The following SNRPG variants were observed in gnomAD, a reference collection of about 807,000 sequenced individuals.
SNRPG encodes the protein small nuclear ribonucleoprotein polypeptide G, also known as small nuclear ribonucleoprotein G.
In SNRPG, 3 loss-of-function variants were observed where a neutral mutation model predicts 13.9. The ratio of observed to expected loss-of-function variants is 0.22; its 90% confidence interval spans 0.10 to 0.56. SNRPG has a LOEUF of 0.56. Ranked by LOEUF, SNRPG falls within the 20% of genes least tolerant of loss-of-function variation. The probability of loss-of-function intolerance (pLI) is 0.93; values close to 1 mark genes in which losing one functional copy is unlikely to be tolerated. For missense variants in SNRPG, 34 were observed against 96.1 expected (o/e 0.35, Z 2.70); for synonymous variants, 29 against 29.3 (o/e 0.99, Z 0.03).
chr2:70,288,252 T>A, intron 2 of SNRPG, 60 bp from the exon 3 acceptor site: 1 of 1,454,822 alleles, frequency 6.9e-7, no homozygotes, highest in Non-Finnish European at 9.6e-7. Flanking sequence ...AAGCATTCAC[T>A]AAAAATCAGG....
At chr2:70,285,449 G>A (rs1486650740) in intron 3 of SNRPG, among the ~76,000 whole-genome samples, 1 of 152,132 alleles carries the variant, frequency 6.6e-6, no homozygotes, top group East Asian at 1.9e-4. Context: ...GTGTGCGCCT[G>A]TAGTCCCAGC....
At chr2:70,293,169 A>C in intron 1 of SNRPG, 1 of 702,454 alleles carries the variant, frequency 1.4e-6, no homozygotes, top group Non-Finnish European at 2.6e-6. Flanking sequence ...ATTTGCTAAG[A>C]CTAAAGTGGC....
intron 2 of SNRPG, among the ~76,000 whole-genome samples, chr2:70,288,440 A>C (rs1025806027): frequency 6.6e-6 from 1 of 152,184 alleles, no homozygotes; most frequent in African/African-American, 2.4e-5. Flanking sequence ...TAAAATTTTT[A>C]TAAAGATGGG....
At chr2:70,292,867 T>C (rs1697136115) in intron 1 of SNRPG, 3 of 441,728 alleles carry the variant, frequency 6.8e-6, no homozygotes, top group African/African-American at 5.9e-5. Flanking sequence ...CATAACCTGT[T>C]AAGTCCACTC....
Position 70,293,286 on chromosome 2 carries a change from G to A in SNRPG, c.32+332C>T, listed in dbSNP as rs568846651. 41 of 688,928 alleles carry A rather than the reference G, an allele frequency of 6.0e-5. No homozygotes were observed. In the African/African-American group the frequency reaches 6.9e-4, roughly 12 times the overall value. 42.7% of individuals were successfully genotyped at this position (688,928 alleles called of 1,614,324 possible). On this transcript the variant is annotated intron_variant, in intron 1 of 3. Transcript: ENST00000272348. ...CCCTCTAGCCGTCTATCTAGAACAT[G>A]ATACTATTCGAGATGTTCAACAAAA...
At chr2:70,289,908 T>C (rs770594270) in intron 1 of SNRPG, among the ~76,000 whole-genome samples, 19 of 152,100 alleles carry the variant, frequency 1.2e-4, no homozygotes, top group Non-Finnish European at 2.2e-4. Flanking sequence ...ATGAAACATA[T>C]TTAGACTATA....
chr2:70,283,109 A>C (rs1363949029), intron 3 of SNRPG, among the ~76,000 whole-genome samples: 40 of 147,456 alleles, frequency 2.7e-4, no homozygotes, highest in East Asian at 5.8e-4. Flanking sequence ...AAAAAAAAAA[A>C]AAAAAAAAAA....
chr2:70,292,147 C>T (rs971870463), intron 1 of SNRPG, among the ~76,000 whole-genome samples: 2 of 151,962 alleles, frequency 1.3e-5, no homozygotes, highest in African/African-American at 4.8e-5. Context: ...GGGGTTTCAC[C>T]GTTTTAGCCA....
In SNRPG at chr2:70,293,677, C is replaced by A. The variant is rs1344532007; in HGVS notation, c.-28G>T. On this transcript the variant is annotated 5_prime_UTR_variant, in exon 1 of 4. Coordinates refer to ENST00000272348, the MANE Select transcript of SNRPG (RefSeq NM_003096.4). ...TGTATACTCCGCGGGCTCACAGATGCCTTGGAACGCAACGCACGGCTTTCC... is the reference window on the plus strand; with the variant it reads ...TGTATACTCCGCGGGCTCACAGATGACTTGGAACGCAACGCACGGCTTTCC... 1.9e-6 allele frequency: 3 copies of A among 1,612,592 alleles called. No individual in the cohort carries two copies. The highest frequency in any genetic ancestry group is 1.1e-5 in the South Asian group (1 of 91,052).
intron 3 of SNRPG, among the ~76,000 whole-genome samples, chr2:70,283,992 G>C (rs1224512424): frequency 6.6e-6 from 1 of 152,178 alleles, no homozygotes; most frequent in African/African-American, 2.4e-5. Context: ...CAGGGAGGTT[G>C]AGACCACAGT....
intron 2 of SNRPG, among the ~76,000 whole-genome samples, chr2:70,288,834 T>C (rs1573995431): frequency 6.6e-6 from 1 of 150,510 alleles, no homozygotes; most frequent in South Asian, 2.1e-4. Context: ...AGGGCTTACA[T>C]AAGATAAAGT....
chr2:70,293,535 C>T, intron 1 of SNRPG, 83 bp downstream of exon 1: 1 of 1,155,874 alleles, frequency 8.7e-7, no homozygotes, highest in South Asian at 1.2e-5. Context: ...CGGCTCAAGA[C>T]ATTCGGCTAA....
rs1241967786 is a variant in SNRPG, at chr2:70,283,122, A to AAAAAAAAAAAAAAAAAAAAC, written c.181-1439_181-1438insGTTTTTTTTTTTTTTTTTTT. Among the ~76,000 whole-genome samples, 129 of 82,978 alleles carry AAAAAAAAAAAAAAAAAAAAC rather than the reference A, an allele frequency of 1.6e-3. 29 individuals are homozygous for AAAAAAAAAAAAAAAAAAAAC. The highest frequency in any genetic ancestry group is 3.5e-3 in the South Asian group (7 of 2,006). The allele number at this position is 82,978 out of a possible 152,430, so 54.4% of individuals were successfully genotyped here. ...AAAAAAAAAAAAAAAAAAAAAAAAA[A>AAAAAAAAAAAAAAAAAAAAC]AACAACAAACCAAAACCAAAACAAA... On this transcript the variant is annotated intron_variant, in intron 3 of 3. Transcript: ENST00000272348.
At position 70,283,121 on chromosome 2, in the gene SNRPG, A is replaced by AC. The variant is rs1559041621; in HGVS notation, c.181-1438_181-1437insG. On this transcript the variant is annotated intron_variant, in intron 3 of 3. Transcript: ENST00000272348. ...CAAAAAAAAAAAAAAAAAAAAAAAA[A>AC]AAACAACAAACCAAAACCAAAACAA... Among the ~76,000 whole-genome samples, 122 of 147,990 alleles carry AC rather than the reference A, an allele frequency of 8.2e-4. 14 individuals are homozygous for AC. The highest frequency in any genetic ancestry group is 3.5e-3 in the Middle Eastern group (1 of 284).
rs141290240 is a variant in SNRPG, at chr2:70,286,516, CT to C, written c.180+1551del. Among the ~76,000 whole-genome samples, 64 of 150,460 alleles carry C rather than the reference CT, an allele frequency of 4.3e-4. 2 individuals carry two copies. The highest frequency in any genetic ancestry group is 3.2e-3 in the Admixed American group (48 of 15,056). On this transcript the variant is annotated intron_variant, in intron 3 of 3. Coordinates refer to ENST00000272348, the MANE Select transcript of SNRPG (RefSeq NM_003096.4). The stretch of plus-strand genomic sequence containing the variant: ...AAGAATTACTGTCTGCTGATAAAAA[CT>C]TTTTTTTTTCTTTGGCTGGGGGTTG...
At position 70,288,176 on chromosome 2, in the gene SNRPG, G is replaced by A; in HGVS notation, c.72C>T (p.Gly24=). ...DKKLSLKLNG[G]RHVQGILRGF... is the part of the protein sequence containing the mutation. ...CCCGCAATATTCCTTGGACATGTCT[G>A]CCACCATTTAATTTCACTATTAAAA... is the stretch of plus-strand genomic sequence containing the variant. The change falls in exon 3 of 4, where the codon GGC becomes GGT. Residue 24 remains glycine (G), a synonymous_variant. Transcript: ENST00000272348. The A allele has an allele frequency of 1.2e-6, 2 of 1,611,966 alleles. No homozygotes were observed. Among genetic ancestry groups the A allele is most frequent in the Non-Finnish European group, 1.7e-6 (2 of 1,178,316 alleles).
chr2:70,286,726 T>TA (rs1360433736), intron 3 of SNRPG, among the ~76,000 whole-genome samples: 1 of 152,202 alleles, frequency 6.6e-6, no homozygotes, highest in Non-Finnish European at 1.5e-5. Flanking sequence ...CCTTCTCTGA[T>TA]AAAATTCCAA....
chr2:70,293,435 G>C (rs1271475177), intron 1 of SNRPG, 183 bp downstream of exon 1: 1 of 680,482 alleles, frequency 1.5e-6, no homozygotes, highest in East Asian at 2.6e-5. Context: ...CCACACCGAC[G>C]CGCGAGCTCT....
At chr2:70,283,184 C>T (rs1204780807) in intron 3 of SNRPG, among the ~76,000 whole-genome samples, 1 of 145,054 alleles carries the variant, frequency 6.9e-6, no homozygotes, top group African/African-American at 2.6e-5. Context: ...GATGAATCAG[C>T]TGGTAAATGA....
Sources: gnomAD v4.1 joint callset for allele counts (sites outside exome capture counted in the v4.1 genomes callset) on GRCh38, gnomAD v4.1.1 for gene constraint, MANE v1.5 for transcripts, NCBI Gene and HGNC (gene_info 2026-07-23, HGNC 2026-07-21) for gene names.